RAD51B: variants seen among roughly 807,000 people sequenced by gnomAD.
RAD51B encodes the protein RAD51 paralog B.
RAD51B carries 38 observed loss-of-function variants against 42.2 expected under a neutral mutation model. That is an observed-to-expected ratio of 0.90 (90% CI 0.70 to 1.18). RAD51B has a LOEUF of 1.18. RAD51B is among the 50% of genes most tolerant of loss of function. RAD51B has a pLI of 0.00. For missense variants in RAD51B, 373 were observed against 400.7 expected (o/e 0.93, Z 0.59); for synonymous variants, 154 against 145.2 (o/e 1.06, Z -0.43).
chr14:68,541,637 A>G, intron 10 of RAD51B: 2 of 985,444 alleles, frequency 2.0e-6, no homozygotes, highest in Non-Finnish European at 2.4e-6. Flanking sequence ...CTTGTAGCAA[A>G]GCTGTATTGT....
chr14:68,544,502 T>C (rs953519872), intron 10 of RAD51B, among the ~76,000 whole-genome samples: 4 of 152,224 alleles, frequency 2.6e-5, no homozygotes, highest in Non-Finnish European at 4.4e-5. Context: ...TGTATTTCCT[T>C]TGGAGGCTTG....
chr14:68,015,844 T>A (rs1400977058), intron 7 of RAD51B, among the ~76,000 whole-genome samples: 1 of 152,240 alleles, frequency 6.6e-6, no homozygotes, highest in Non-Finnish European at 1.5e-5. Context: ...ATCGTTTCAC[T>A]TTTCTCTGAC....
intron 4 of RAD51B, among the ~76,000 whole-genome samples, chr14:67,858,305 G>A (rs551453307): frequency 6.6e-6 from 1 of 152,306 alleles, no homozygotes; most frequent in South Asian, 2.1e-4. Context: ...GGTGAAGGCA[G>A]ATAATTTTAT....
At chr14:68,004,379 T>C (rs2075545053) in intron 7 of RAD51B, among the ~76,000 whole-genome samples, 1 of 151,562 alleles carries the variant, frequency 6.6e-6, no homozygotes, top group Non-Finnish European at 1.5e-5. Context: ...GATTTTTTTG[T>C]TACTATTTTG....
intron 7 of RAD51B, among the ~76,000 whole-genome samples, chr14:67,955,791 T>A (rs1300771526): frequency 6.6e-6 from 1 of 152,172 alleles, no homozygotes; most frequent in Non-Finnish European, 1.5e-5. Flanking sequence ...ACAGATCCAA[T>A]CCTTTTGTTA....
intron 7 of RAD51B, among the ~76,000 whole-genome samples, chr14:67,901,390 T>C (rs2043607770): frequency 6.6e-6 from 1 of 152,112 alleles, no homozygotes; most frequent in African/African-American, 2.4e-5. Flanking sequence ...GAGGGTAAGT[T>C]CTTAATCATA....
chr14:67,985,897 C>T (rs1409731386), intron 7 of RAD51B, among the ~76,000 whole-genome samples: 1 of 151,770 alleles, frequency 6.6e-6, no homozygotes, highest in African/African-American at 2.4e-5. Flanking sequence ...GCAGTAGAGC[C>T]AGAACTTGTC....
chr14:68,405,337 G>T (rs547525211), intron 8 of RAD51B, among the ~76,000 whole-genome samples: 3 of 152,122 alleles, frequency 2.0e-5, no homozygotes, highest in Non-Finnish European at 4.4e-5. Flanking sequence ...CCAGCTACTC[G>T]GTAGGCTGAG....
At chr14:67,889,593 C>A (rs997118496) in intron 7 of RAD51B, among the ~76,000 whole-genome samples, 1 of 143,742 alleles carries the variant, frequency 7.0e-6, no homozygotes, top group Non-Finnish European at 1.5e-5. Flanking sequence ...CCCCCCCTTT[C>A]TCTATTTGAA....
chr14:67,849,560 G>A (rs904493144), intron 4 of RAD51B, among the ~76,000 whole-genome samples: 1 of 152,206 alleles, frequency 6.6e-6, no homozygotes, highest in African/African-American at 2.4e-5. Context: ...TGGGATTACA[G>A]GCGTGAGCCA....
chr14:68,148,952 T>A (rs1180498312), intron 7 of RAD51B, among the ~76,000 whole-genome samples: 2 of 152,214 alleles, frequency 1.3e-5, no homozygotes, highest in East Asian at 3.8e-4. Flanking sequence ...ACTTATTGAG[T>A]CATAACCCCA....
At chr14:68,005,478 T>C (rs902138722) in intron 7 of RAD51B, among the ~76,000 whole-genome samples, 5 of 152,226 alleles carry the variant, frequency 3.3e-5, no homozygotes, top group Admixed American at 1.3e-4. Context: ...TATTGGGTCA[T>C]CAGTTATGCA....
At chr14:67,901,182 CTG>C (rs1406755575) in intron 7 of RAD51B, among the ~76,000 whole-genome samples, 5 of 152,186 alleles carry the variant, frequency 3.3e-5, no homozygotes, top group Non-Finnish European at 7.3e-5. Flanking sequence ...GATGTTGCAT[CTG>C]TGCATGCCTG....
At chr14:68,396,278 G>A (rs751917948) in intron 8 of RAD51B, among the ~76,000 whole-genome samples, 2 of 152,156 alleles carry the variant, frequency 1.3e-5, no homozygotes, top group African/African-American at 2.4e-5. Flanking sequence ...GAACCTGGTC[G>A]GTACTATGTC....
chr14:68,099,328 G>A (rs1007523839), intron 7 of RAD51B, among the ~76,000 whole-genome samples: 40 of 152,194 alleles, frequency 2.6e-4, no homozygotes, highest in Non-Finnish European at 2.6e-4. Context: ...TTTGACCTAG[G>A]TTATAGATGT....
chr14:68,317,342 G>C (rs1252560214), intron 8 of RAD51B, among the ~76,000 whole-genome samples: 1 of 151,972 alleles, frequency 6.6e-6, no homozygotes, highest in African/African-American at 2.4e-5. Context: ...TTCAAGTACT[G>C]TGTTAGGTAC....
chr14:68,363,042 G>A (rs1253384625), intron 8 of RAD51B, among the ~76,000 whole-genome samples: 1 of 148,706 alleles, frequency 6.7e-6, no homozygotes, highest in Non-Finnish European at 1.5e-5. Flanking sequence ...GAAAATAGGC[G>A]GAGCCTTTGT....
chr14:68,299,115 T>A (rs926819461), intron 8 of RAD51B, among the ~76,000 whole-genome samples: 2 of 151,904 alleles, frequency 1.3e-5, no homozygotes, highest in African/African-American at 4.8e-5. Flanking sequence ...CAGTCGAAGA[T>A]ATGGAGTGGT....
At chr14:68,468,415 G>A (rs748640317) in intron 10 of RAD51B, 165 bp downstream of exon 10, 14 of 798,090 alleles carry the variant, frequency 1.8e-5, no homozygotes, top group African/African-American at 6.7e-5. Context: ...GAGAGCGGCA[G>A]TTGTGGCAAG....
Sources: gnomAD v4.1 joint callset for allele counts (sites outside exome capture counted in the v4.1 genomes callset) on GRCh38, gnomAD v4.1.1 for gene constraint, MANE v1.5 for transcripts, NCBI Gene and HGNC (gene_info 2026-07-23, HGNC 2026-07-21) for gene names.